The following SLC24A1 variants were observed in gnomAD, a reference collection of about 807,000 sequenced individuals.
SLC24A1 encodes the protein solute carrier family 24 member 1, also known as sodium/potassium/calcium exchanger 1.
A neutral mutation model predicts 88.1 loss-of-function variants in SLC24A1; 52 were observed. The observed-to-expected ratio is 0.59, with a 90% CI of 0.47 to 0.74. SLC24A1 has a LOEUF of 0.74. SLC24A1 is among the 30% of genes least tolerant of loss of function. SLC24A1 has a pLI of 0.00. For synonymous variants in SLC24A1, 455 were observed against 498.0 expected (o/e 0.91, Z 1.15); for missense variants, 1,173 against 1,363.3 (o/e 0.86, Z 2.20).
At chr15:65,639,079 TC>T (rs1463670993) in intron 3 of SLC24A1, among the ~76,000 whole-genome samples, 1 of 152,214 alleles carries the variant, frequency 6.6e-6, no homozygotes, top group African/African-American at 2.4e-5. Context: ...TCTGACTCTT[TC>T]ATTTACTTCC....
chr15:65,655,059 T>C lies in SLC24A1; in HGVS notation c.*980T>C, dbSNP rs1336663936. 4.1e-5 allele frequency: 42 copies of C among 1,028,712 alleles called. No individual in the cohort carries two copies. The highest frequency in any genetic ancestry group is 4.9e-5 in the Non-Finnish European group (42 of 855,804). The allele number at this position is 1,028,712 out of a possible 1,614,324, so 63.7% of individuals were successfully genotyped here. A position where few individuals can be genotyped will look rare whatever the true frequency, so the allele number is the denominator to read the frequency against. ...GAAGGAAAACTACTCTAGAGGCCAT[T>C]TAAAAGTATGTATTTATTAGAACAT... On this transcript the variant is annotated 3_prime_UTR_variant, in exon 10 of 10. Coordinates refer to ENST00000261892, the MANE Select transcript of SLC24A1 (RefSeq NM_004727.3).
chr15:65,644,567 C>T, intron 5 of SLC24A1, 54 bp downstream of exon 5: 1 of 1,295,944 alleles, frequency 7.7e-7, no homozygotes, highest in Non-Finnish European at 1.1e-6. Context: ...TCCCTGCTGT[C>T]AGTAGTGAGC....
intron 4 of SLC24A1, among the ~76,000 whole-genome samples, chr15:65,641,336 G>A (rs2075121595): frequency 6.6e-6 from 1 of 151,980 alleles, no homozygotes; most frequent in African/African-American, 2.4e-5. Context: ...CTCCAGCCTG[G>A]TGACAGAGCG....
At chr15:65,633,552 C>G (rs1392783501) in intron 2 of SLC24A1, among the ~76,000 whole-genome samples, 1 of 151,790 alleles carries the variant, frequency 6.6e-6, no homozygotes, top group Non-Finnish European at 1.5e-5. Flanking sequence ...CCCAGCTACT[C>G]AGGAGGCTGA....
intron 1 of SLC24A1, among the ~76,000 whole-genome samples, chr15:65,623,751 C>T (rs1240802045): frequency 6.6e-6 from 1 of 152,136 alleles, no homozygotes; most frequent in African/African-American, 2.4e-5. Context: ...CTACATAGTA[C>T]AGAGGACCCC....
At chr15:65,632,690 CT>C (rs2074771735) in intron 2 of SLC24A1, among the ~76,000 whole-genome samples, 1 of 152,168 alleles carries the variant, frequency 6.6e-6, no homozygotes, top group South Asian at 2.1e-4. Flanking sequence ...TGTATGAGGC[CT>C]GTGGTAGGTC....
intron 7 of SLC24A1, among the ~76,000 whole-genome samples, chr15:65,651,211 C>A (rs2075493426): frequency 1.3e-5 from 2 of 152,180 alleles, no homozygotes; most frequent in African/African-American, 4.8e-5. Flanking sequence ...TGACTCCTAT[C>A]TCAGTTTCTT....
chr15:65,658,047 G>A (rs1245586349), downstream of SLC24A1: 3 of 152,218 alleles, frequency 2.0e-5, no homozygotes, highest in African/African-American at 7.2e-5. Context: ...AACAGGAACT[G>A]TGGAAAGGCA....
At chr15:65,634,628 C>T (rs946472613) in intron 2 of SLC24A1, among the ~76,000 whole-genome samples, 11 of 151,436 alleles carry the variant, frequency 7.3e-5, no homozygotes, top group Admixed American at 2.0e-4. Context: ...TGTCCATTTG[C>T]CTGAAATGTC....
At position 65,655,414 on chromosome 15, in the gene SLC24A1, G is replaced by A. The variant is rs908281752; in HGVS notation, c.*1335G>A. On this transcript the variant is annotated 3_prime_UTR_variant, in exon 10 of 10. Coordinates refer to ENST00000261892, the MANE Select transcript of SLC24A1 (RefSeq NM_004727.3). ...ACACAATGACAACATGGTGAGAAAA[G>A]TGCAGTACTACTTCCAAGGTAGCTA... The A allele has an allele frequency of 3.0e-6, 3 of 985,320 alleles. No homozygotes were observed. Among genetic ancestry groups the A allele is most frequent in the African/African-American group, 1.7e-5 (1 of 57,244 alleles). The allele number at this position is 985,320 out of a possible 1,614,324, so 61.0% of individuals were successfully genotyped here.
Position 65,625,099 on chromosome 15 carries a change from C to G in SLC24A1, c.1019C>G (p.Thr340Ser). 1 of 1,613,672 alleles carries G rather than the reference C, an allele frequency of 6.2e-7. No homozygotes were observed. The highest frequency in any genetic ancestry group is 8.5e-7 in the Non-Finnish European group (1 of 1,179,876). The change falls in exon 2 of 10, where the codon ACT becomes AGT. Residue 340 changes from threonine (T) to serine (S), a missense_variant. Physicochemically the swap from Thr to Ser is moderately conservative, Grantham distance 58. Coordinates refer to ENST00000261892, the MANE Select transcript of SLC24A1 (RefSeq NM_004727.3). ...AGCCCAGCAGAAACCAAAGCCTTCA[C>G]TGCTGCCTGGAGTCTTAGGAATCCT... ...GSSPAETKAF[T>S]AAWSLRNPSP... is the part of the protein sequence containing the mutation.
intron 4 of SLC24A1, chr15:65,643,096 A>G (rs1019328375): frequency 3.6e-6 from 4 of 1,101,162 alleles, no homozygotes; most frequent in Admixed American, 2.3e-5. Flanking sequence ...AGTGCTTTCT[A>G]GGTGCCAGAC....
chr15:65,627,856 C>A (rs534486390), intron 2 of SLC24A1, among the ~76,000 whole-genome samples: 9 of 152,344 alleles, frequency 5.9e-5, no homozygotes, highest in Middle Eastern at 3.4e-3. Flanking sequence ...AAAGAGAATA[C>A]ATAACCTACT....
At chr15:65,635,487 A>G (rs2074901286) in intron 2 of SLC24A1, among the ~76,000 whole-genome samples, 1 of 150,638 alleles carries the variant, frequency 6.6e-6, no homozygotes, top group Non-Finnish European at 1.5e-5. Context: ...AAAAGAAAGA[A>G]CTCTTTGGGT....
At chr15:65,657,391 C>T (rs2075716749), downstream of SLC24A1, among the ~76,000 whole-genome samples, 1 of 152,120 alleles carries the variant, frequency 6.6e-6, no homozygotes, top group Non-Finnish European at 1.5e-5. Flanking sequence ...CCTATAATCC[C>T]AGCACTTTGG....
At chr15:65,645,352 A>T (rs2075267764) in intron 5 of SLC24A1, among the ~76,000 whole-genome samples, 1 of 152,244 alleles carries the variant, frequency 6.6e-6, no homozygotes. Flanking sequence ...GTCTTTGGCC[A>T]CAATGGCCAG....
chr15:65,644,520 G>A lies in SLC24A1; in HGVS notation c.2140+7G>A, dbSNP rs753436726. The A allele has an allele frequency of 4.5e-6, 7 of 1,567,556 alleles. No homozygotes were observed. The South Asian group carries it at 4.7e-5, about 11-fold the overall frequency. ...GCAGAAAGCAAACCAGAAGGTGAGA[G>A]GATGGCCAGACCAGTGGGTTTTCTC... On this transcript the variant is annotated splice_region_variant and intron_variant, in intron 5 of 9. Transcript: ENST00000261892.
intron 2 of SLC24A1, among the ~76,000 whole-genome samples, chr15:65,616,929 C>T (rs1221950367): frequency 1.3e-5 from 2 of 152,208 alleles, no homozygotes; most frequent in African/African-American, 2.4e-5. Context: ...GATCCAGTTT[C>T]AGCTTTCTAC....
Position 65,655,333 on chromosome 15 carries a change from G to A in SLC24A1, c.*1254G>A. ...TTATAAAGCAAGACTGATTTCTTCT[G>A]TGGTTTATGAATGGATCTTAAGGTA... On this transcript the variant is annotated 3_prime_UTR_variant, in exon 10 of 10. Coordinates refer to ENST00000261892, the MANE Select transcript of SLC24A1 (RefSeq NM_004727.3). 7 of 985,220 alleles carry A rather than the reference G, an allele frequency of 7.1e-6. No homozygotes were observed. Among genetic ancestry groups the A allele is most frequent in the Non-Finnish European group, 7.2e-6 (6 of 829,710 alleles). The allele number at this position is 985,220 out of a possible 1,614,324, so 61.0% of individuals were successfully genotyped here.
Sources: gnomAD v4.1 joint callset for allele counts (sites outside exome capture counted in the v4.1 genomes callset) on GRCh38, gnomAD v4.1.1 for gene constraint, MANE v1.5 for transcripts, NCBI Gene and HGNC (gene_info 2026-07-23, HGNC 2026-07-21) for gene names.